Variants in ITPR1 observed in about 807,000 individuals in gnomAD.
ITPR1 encodes inositol 1,4,5-trisphosphate-gated calcium channel ITPR1.
In ITPR1, 96 loss-of-function variants were observed where a neutral mutation model predicts 318.4. The ratio of observed to expected loss-of-function variants is 0.30; its 90% CI spans 0.26 to 0.36. The LOEUF (loss-of-function observed/expected upper bound fraction) is 0.36. ITPR1 is among the 10% of genes least tolerant of loss of function. The pLI, the probability that ITPR1 is intolerant of heterozygous loss-of-function variation, is 1.00. For synonymous variants in ITPR1, 1,312 were observed against 1,289.9 expected, an observed-to-expected ratio of 1.02 and a Z score of -0.37; for missense variants, 2,440 against 3,460.2, an observed-to-expected ratio of 0.71 and a Z score of 7.40.
intron 44 of ITPR1, among the ~76,000 whole-genome samples, chr3:4,742,072 C>T (rs2043745505): frequency 6.6e-6 from 1 of 152,074 alleles, no homozygotes; most frequent in Non-Finnish European, 1.5e-5. Flanking sequence ...CAAAGCCACC[C>T]CAGGTTGGCT....
At position 4,800,363 on chromosome 3, in the gene ITPR1, G is replaced by A. The variant is rs900745664; in HGVS notation, c.6932-62G>A. 2.9e-5 allele frequency: 44 copies of A among 1,531,718 alleles called. No individual in the cohort carries two copies. The South Asian group carries it at 4.9e-4, about 17-fold the overall frequency. 94.9% of individuals were successfully genotyped at this position (1,531,718 alleles called of 1,614,324 possible). On this transcript the variant is annotated intron_variant, in intron 53 of 61. Transcript: ENST00000649015. ...GAATCTGTAACAGTGCATGTTTTAG[G>A]TCTGTCCCCTGTACTCAGTGAAGGC... is the stretch of plus-strand genomic sequence containing the variant.
At chr3:4,777,628 A>G (rs754509912) in intron 48 of ITPR1, among the ~76,000 whole-genome samples, 4 of 152,204 alleles carry the variant, frequency 2.6e-5, no homozygotes, top group Non-Finnish European at 5.9e-5. Context: ...GCTCCAAGCT[A>G]AGAAGTGAAT....
chr3:4,612,305 G>A (rs1237203316), intron 4 of ITPR1, among the ~76,000 whole-genome samples: 1 of 151,710 alleles, frequency 6.6e-6, no homozygotes, highest in African/African-American at 2.4e-5. Flanking sequence ...CAGGTGATCC[G>A]CCTGCCTCGG....
chr3:4,516,952 A>G (rs1309470923), intron 3 of ITPR1, among the ~76,000 whole-genome samples: 4 of 152,226 alleles, frequency 2.6e-5, no homozygotes, highest in South Asian at 4.1e-4. Context: ...AGTTTTGTAA[A>G]GGCTCTTCTT....
chr3:4,564,696 C>T (rs930015523), intron 4 of ITPR1, among the ~76,000 whole-genome samples: 4 of 152,154 alleles, frequency 2.6e-5, no homozygotes, highest in African/African-American at 7.2e-5. Flanking sequence ...AACCTGCTGG[C>T]ATCTTGATCT....
intron 4 of ITPR1, among the ~76,000 whole-genome samples, chr3:4,600,093 G>A (rs1051547469): frequency 3.9e-5 from 6 of 152,140 alleles, no homozygotes; most frequent in African/African-American, 1.4e-4. Flanking sequence ...TCTTTTGCCC[G>A]AGCTCTTTCA....
chr3:4,681,876 G>T (rs6442898), intron 26 of ITPR1, among the ~76,000 whole-genome samples: 144,317 of 152,086 alleles, frequency 0.95, 68,839 homozygotes, highest in East Asian at 1. Flanking sequence ...GCAAAATCTG[G>T]TCTTTCATTG....
intron 40 of ITPR1, chr3:4,724,284 C>T (rs201920199): frequency 1.3e-5 from 2 of 152,290 alleles, no homozygotes; most frequent in South Asian, 4.1e-4. Flanking sequence ...GGGAAATAGA[C>T]AAAAGACAGA....
At chr3:4,674,386 AGT>A (rs2094145179) in intron 22 of ITPR1, 43 bp downstream of exon 22, 1 of 1,531,580 alleles carries the variant, frequency 6.5e-7, no homozygotes, top group Non-Finnish European at 8.8e-7. Context: ...TCTGCCTCTC[AGT>A]GGTCATTTTT....
chr3:4,498,669 G>A (rs1226475835), intron 2 of ITPR1, among the ~76,000 whole-genome samples: 1 of 152,236 alleles, frequency 6.6e-6, no homozygotes, highest in Non-Finnish European at 1.5e-5. Flanking sequence ...TTTCTGGACT[G>A]TCTGGTTAAT....
At chr3:4,577,089 G>A (rs923790641) in intron 4 of ITPR1, among the ~76,000 whole-genome samples, 4 of 152,188 alleles carry the variant, frequency 2.6e-5, no homozygotes, top group African/African-American at 9.6e-5. Context: ...ACAATGAATT[G>A]TGTTCCCCAC....
In ITPR1 at chr3:4,806,052, AAG is replaced by A. The variant is rs772825546; in HGVS notation, c.7108-48_7108-47del. ...GTGAGATGCTCTCGTTGCTCTCATG[AAG>A]AGTTTGGCACAGTCCGTGCCATCTG... On this transcript the variant is annotated intron_variant, in intron 54 of 61. Transcript: ENST00000649015. 5 of 1,486,412 alleles carry A rather than the reference AAG, an allele frequency of 3.4e-6. No individual in the cohort carries two copies. The South Asian group carries it at 6.2e-5, about 18-fold the overall frequency. 92.1% of individuals were successfully genotyped at this position (1,486,412 alleles called of 1,614,324 possible). A position where few individuals can be genotyped will look rare whatever the true frequency, so the allele number is the denominator to read the frequency against.
chr3:4,673,112 G>A (rs368049301), intron 20 of ITPR1, 24 bp from the exon 21 acceptor site: 9 of 1,601,914 alleles, frequency 5.6e-6, no homozygotes, highest in Admixed American at 1.7e-5. Context: ...AGCGTGAGCT[G>A]TGTGCCCTTG....
chr3:4,595,201 A>C (rs1009912835), intron 4 of ITPR1, among the ~76,000 whole-genome samples: 5 of 152,238 alleles, frequency 3.3e-5, no homozygotes, highest in African/African-American at 1.2e-4. Context: ...AAGAGGTTTA[A>C]TTAGCTCATG....
At chr3:4,707,512 A>G (rs1436992673) in intron 37 of ITPR1, among the ~76,000 whole-genome samples, 1 of 152,156 alleles carries the variant, frequency 6.6e-6, no homozygotes, top group Non-Finnish European at 1.5e-5. Context: ...TGTTGTTATG[A>G]CCTAGTTTCA....
intron 13 of ITPR1, among the ~76,000 whole-genome samples, chr3:4,659,448 A>G (rs2093785367): frequency 6.6e-6 from 1 of 152,180 alleles, no homozygotes; most frequent in Non-Finnish European, 1.5e-5. Context: ...TGGGAGGCTG[A>G]AGCAGACAGA....
chr3:4,676,294 A>G (rs2094183868), intron 23 of ITPR1, among the ~76,000 whole-genome samples: 1 of 152,190 alleles, frequency 6.6e-6, no homozygotes, highest in East Asian at 1.9e-4. Flanking sequence ...ACAGGGAACC[A>G]TCATTGTGTC....
chr3:4,742,118 G>A (rs968739319), intron 44 of ITPR1, among the ~76,000 whole-genome samples: 12 of 152,242 alleles, frequency 7.9e-5, no homozygotes, highest in East Asian at 1.9e-4. Flanking sequence ...AAATGGTGGC[G>A]TAAAGGTTAG....
intron 54 of ITPR1, among the ~76,000 whole-genome samples, chr3:4,801,824 C>G (rs1474843784): frequency 6.6e-6 from 1 of 152,124 alleles, no homozygotes; most frequent in Non-Finnish European, 1.5e-5. Context: ...TGGAGAGGAT[C>G]TGGCCATGAA....
Sources: allele counts gnomAD v4.1 joint callset (sites outside exome capture counted in the v4.1 genomes callset), GRCh38; gene constraint gnomAD v4.1.1; transcripts MANE v1.5; gene names NCBI Gene and HGNC (gene_info 2026-07-23, HGNC 2026-07-21).